The following LRP1 variants were observed in gnomAD, a reference collection of about 807,000 sequenced individuals.
LRP1 encodes the protein prolow-density lipoprotein receptor-related protein 1.
In LRP1, 51 loss-of-function variants were observed where a neutral mutation model predicts 541.5. The ratio of observed to expected loss-of-function variants is 0.09; its 90% CI spans 0.08 to 0.12. The LOEUF is 0.12. Ranked by LOEUF, LRP1 falls within the 10% of genes least tolerant of loss-of-function variation. LRP1 has a pLI of 1.00. For missense variants in LRP1, 3,878 were observed against 6,376.2 expected (o/e 0.61, Z 13.34); for synonymous variants, 2,219 against 2,470.8 (o/e 0.90, Z 3.02).
Position 57,191,352 on chromosome 12 carries a change from C to T in LRP1, c.7269C>T (p.Phe2423=), listed in dbSNP as rs777399211. The T allele has an allele frequency of 1.1e-5, 17 of 1,610,944 alleles. No individual in the cohort carries two copies. Among genetic ancestry groups the T allele is most frequent in the Middle Eastern group, 1.7e-4 (1 of 6,056 alleles). The stretch of plus-strand genomic sequence containing the variant: ...TAAAGTCAGAGCCTGTCCACCCCTT[C>T]GGGCTGGCCGTGTATGGGGAGCACA... ...VILKSEPVHP[F]GLAVYGEHIF... is the part of the protein sequence containing the mutation. The change falls in exon 44 of 89, where the codon TTC becomes TTT. Residue 2423 remains phenylalanine (F), a synonymous_variant. Coordinates refer to ENST00000243077, the MANE Select transcript of LRP1 (RefSeq NM_002332.3).
Position 57,198,569 on chromosome 12 carries a change from A to G in LRP1, c.9575A>G (p.Asn3192Ser), listed in dbSNP as rs1307703311. 6.2e-7 allele frequency: 1 copy of G among 1,613,852 alleles called. No individual in the cohort carries two copies. The highest frequency in any genetic ancestry group is 8.5e-7 in the Non-Finnish European group (1 of 1,179,996). The change falls in exon 60 of 89, where the codon AAT becomes AGT. Residue 3192 changes from asparagine to serine, a missense_variant. Asn to Ser is a conservative substitution (Grantham distance 46). Transcript: ENST00000243077. ...VIVDTKITWP[N>S]GLTLDYVTER... Reference sequence around the variant, plus strand: ...GTGGACACCAAGATCACATGGCCCAATGGCCTGACGCTGGACTATGTCACT... The same window carrying G: ...GTGGACACCAAGATCACATGGCCCAGTGGCCTGACGCTGGACTATGTCACT...
Position 57,183,812 on chromosome 12 carries a change from C to T in LRP1, c.5832C>T (p.Ser1944=), listed in dbSNP as rs770361854. The T allele has an allele frequency of 6.2e-7, 1 of 1,614,144 alleles. No individual in the cohort carries two copies. Among genetic ancestry groups the T allele is most frequent in the South Asian group, 1.1e-5 (1 of 91,086 alleles). Residue 1944 remains serine, a synonymous_variant, in exon 36 of 89, where the codon AGC becomes AGT. Transcript: ENST00000243077. The surrounding 1 kb of genome is among the most constrained non-coding windows in gnomAD (Gnocchi z 6.1). The part of the protein sequence containing the change: ...DTIYWVDMGL[S]TISRAKRDQT... The stretch of plus-strand genomic sequence containing the variant: ...TCTACTGGGTGGACATGGGCCTGAG[C>T]ACGATCAGCCGGGCCAAGCGGGACC...
rs898953667 is a variant in LRP1 at position 57,184,807 on chromosome 12, C to CT, written c.6187-31dup. On this transcript the variant is annotated intron_variant, in intron 38 of 88. Coordinates refer to ENST00000243077, the MANE Select transcript of LRP1 (RefSeq NM_002332.3). This position sits in a 1 kb window ranked among gnomAD's most constrained non-coding sequence, Gnocchi z 7.8. Reference sequence around the variant, plus strand: ...CATGGGGCTGGCAGCGAGCTCAGCCCTGGAGGTGAGGTGGGTGCCTCTGGC... The same window carrying CT: ...CATGGGGCTGGCAGCGAGCTCAGCCCTTGGAGGTGAGGTGGGTGCCTCTGGC... 3 of 1,599,068 alleles carry CT rather than the reference C, an allele frequency of 1.9e-6. No homozygotes were observed. Among genetic ancestry groups the CT allele is most frequent in the Non-Finnish European group, 2.6e-6 (3 of 1,169,314 alleles).
chr12:57,195,265 C>T lies in LRP1; in HGVS notation c.8309-6C>T. 1 of 1,613,442 alleles carries T rather than the reference C, an allele frequency of 6.2e-7. No homozygotes were observed. Among genetic ancestry groups the T allele is most frequent in the Non-Finnish European group, 8.5e-7 (1 of 1,179,552 alleles). Reference sequence around the variant, plus strand: ...AGTCTCTCAGTGGCCCTCTCTCCCCCTACAGAAGGCAAGACGTGCGGCCCC... The same window carrying T: ...AGTCTCTCAGTGGCCCTCTCTCCCCTTACAGAAGGCAAGACGTGCGGCCCC... On this transcript the variant is annotated splice_region_variant and splice_polypyrimidine_tract_variant and intron_variant, in intron 51 of 88. Transcript: ENST00000243077.
rs1424496971 is a variant in LRP1 at position 57,195,470 on chromosome 12, C to G, written c.8437+71C>G. 6.9e-6 allele frequency: 11 copies of G among 1,586,938 alleles called. No individual in the cohort carries two copies. In the South Asian group the frequency reaches 1.0e-4, roughly 14 times the overall value. On this transcript the variant is annotated intron_variant, in intron 52 of 88. Transcript: ENST00000243077. ...AGTCTCACTTTGCAGATGGGGAAGCCGGGGTGCAGGAGAGGAAATGCCTCA... is the reference window on the plus strand; with the variant it reads ...AGTCTCACTTTGCAGATGGGGAAGCGGGGGTGCAGGAGAGGAAATGCCTCA...
chr12:57,203,384 C>G lies in LRP1; in HGVS notation c.10819-5C>G, dbSNP rs750248371. On this transcript the variant is annotated splice_polypyrimidine_tract_variant and splice_region_variant and intron_variant, in intron 69 of 88. Transcript: ENST00000243077. Reference sequence around the variant, plus strand: ...GTGACCGGCTGCCTGTGCCCATGCCCACAGAAAGACTGCACCCCCCGCTGT... The same window carrying G: ...GTGACCGGCTGCCTGTGCCCATGCCGACAGAAAGACTGCACCCCCCGCTGT... The G allele has an allele frequency of 6.2e-7, 1 of 1,603,160 alleles. No homozygotes were observed. The highest frequency in any genetic ancestry group is 8.5e-7 in the Non-Finnish European group (1 of 1,172,866).
intron 79 of LRP1, 69 bp downstream of exon 79, chr12:57,209,268 A>G (rs906056444): frequency 2.4e-6 from 3 of 1,251,034 alleles, no homozygotes; most frequent in South Asian, 1.2e-5. Context: ...TACTGAGCCA[A>G]AGGCCTCACT....
Position 57,199,325 on chromosome 12 carries a change from A to G in LRP1, c.9790A>G (p.Asn3264Asp), listed in dbSNP as rs548667880. The change falls in exon 61 of 89, where the codon AAC becomes GAC. Residue 3264 changes from asparagine (N) to aspartate (D), a missense_variant. By Grantham distance (23) the Asn-to-Asp change is conservative. Coordinates refer to ENST00000243077, the MANE Select transcript of LRP1 (RefSeq NM_002332.3). ...INRAHKTTGT[N>D]KTLLISTLHR... ...CCGAGCCCACAAGACCACGGGCACC[A>G]ACAAAACGCTCCTCATCAGCACGCT... 1.2e-6 allele frequency: 2 copies of G among 1,613,578 alleles called. No individual in the cohort carries two copies. Among genetic ancestry groups the G allele is most frequent in the South Asian group, 2.2e-5 (2 of 91,080 alleles).
chr12:57,211,383 G>C lies in LRP1; in HGVS notation c.13091+33G>C, dbSNP rs748412659. On this transcript the variant is annotated intron_variant, in intron 84 of 88. Coordinates refer to ENST00000243077, the MANE Select transcript of LRP1 (RefSeq NM_002332.3). This position sits in a 1 kb window ranked among gnomAD's most constrained non-coding sequence, Gnocchi z 4.3. ...GGGCCCTCCTCCACAGTTCCACCCA[G>C]CTGGGCCCCTGCCCTGTCCTAGCCC... 1 of 1,611,702 alleles carries C rather than the reference G, an allele frequency of 6.2e-7. No individual in the cohort carries two copies. Among genetic ancestry groups the C allele is most frequent in the Admixed American group, 1.7e-5 (1 of 59,980 alleles).
At chr12:57,175,756 T>C (rs766203058) in intron 23 of LRP1, 51 bp downstream of exon 23, 1 of 1,550,222 alleles carries the variant, frequency 6.5e-7, no homozygotes, top group African/African-American at 1.4e-5. Flanking sequence ...GCCTCTGAGC[T>C]GCAGTGGGTT....
chr12:57,166,884 G>A, intron 17 of LRP1, 46 bp from the exon 18 acceptor site: 1 of 978,070 alleles, frequency 1.0e-6, no homozygotes, highest in East Asian at 2.4e-5. Flanking sequence ...AGGCAGTGAA[G>A]AGAGGGTCAG....
chr12:57,212,665 A>G lies in LRP1; in HGVS notation c.*110A>G, dbSNP rs2036944748. ...TTCCCTGGCCCCGCCGGATGTATAA[A>G]TGTAAAAATGAAGGAATTACATTTT... On this transcript the variant is annotated 3_prime_UTR_variant, in exon 89 of 89. Transcript: ENST00000243077. The surrounding 1 kb of genome is among the most constrained non-coding windows in gnomAD (Gnocchi z 5.0). The G allele has an allele frequency of 1.7e-6, 2 of 1,161,594 alleles. No homozygotes were observed. Among genetic ancestry groups the G allele is most frequent in the Non-Finnish European group, 2.4e-6 (2 of 837,564 alleles). The allele number at this position is 1,161,594 out of a possible 1,614,324, so 72.0% of individuals were successfully genotyped here.
Position 57,197,079 on chromosome 12 carries a change from T to C in LRP1, c.8990T>C (p.Ile2997Thr). Residue 2997 changes from isoleucine (I) to threonine (T), a missense_variant, in exon 56 of 89, where the codon ATC becomes ACC. Around this residue, in one of 13 missense-constraint regions of LRP1, gnomAD observed 1,100 missense variants for 1,827.4 expected, o/e 0.60. Transcript: ENST00000243077. The surrounding 1 kb of genome is among the most constrained non-coding windows in gnomAD (Gnocchi z 4.5). ...STTFPCSQRC[I>T]NTHGSYKCLC... ...ACCTTCCCCTGCAGCCAGCGCTGCATCAACACTCATGGCAGCTATAAGTGT... is the reference window on the plus strand; with the variant it reads ...ACCTTCCCCTGCAGCCAGCGCTGCACCAACACTCATGGCAGCTATAAGTGT... 1 of 1,614,084 alleles carries C rather than the reference T, an allele frequency of 6.2e-7. No homozygotes were observed. The highest frequency in any genetic ancestry group is 8.5e-7 in the Non-Finnish European group (1 of 1,179,992).
At position 57,211,848 on chromosome 12, in the gene LRP1, C is replaced by A. The variant is rs376578519; in HGVS notation, c.13258+34C>A. The A allele has an allele frequency of 3.8e-5, 61 of 1,613,008 alleles. No homozygotes were observed. In the Middle Eastern group the frequency reaches 6.6e-4, roughly 17 times the overall value. ...CAGGGGTTGGGGCAGGCAGGGCCACCGGGACCTAGAGCAGGGGGACCGTGT... is the reference window on the plus strand; with the variant it reads ...CAGGGGTTGGGGCAGGCAGGGCCACAGGGACCTAGAGCAGGGGGACCGTGT... On this transcript the variant is annotated intron_variant, in intron 86 of 88. Transcript: ENST00000243077. The surrounding 1 kb of genome is among the most constrained non-coding windows in gnomAD (Gnocchi z 4.3).
At position 57,184,448 on chromosome 12, in the gene LRP1, A is replaced by T; in HGVS notation, c.6182A>T (p.Tyr2061Phe). Residue 2061 changes from tyrosine to phenylalanine, a missense_variant, in exon 38 of 89, where the codon TAC becomes TTC. By Grantham distance (22) the Tyr-to-Phe change is conservative (BLOSUM62 3). This residue lies in a region of LRP1 where 1,100 missense variants were observed against 1,827.4 expected (regional missense o/e 0.60). Coordinates refer to ENST00000243077, the MANE Select transcript of LRP1 (RefSeq NM_002332.3). This position sits in a 1 kb window ranked among gnomAD's most constrained non-coding sequence, Gnocchi z 7.8. ...ISWPNGISVD[Y>F]QDGKLYWCDA... is the part of the protein sequence containing the mutation. Reference sequence around the variant, plus strand: ...TGGCCCAACGGCATCTCAGTGGACTACCAGGTTCGCACGCCAACTTGGCCT... The same window carrying T: ...TGGCCCAACGGCATCTCAGTGGACTTCCAGGTTCGCACGCCAACTTGGCCT... 1.2e-6 allele frequency: 2 copies of T among 1,614,208 alleles called. No homozygotes were observed. The highest frequency in any genetic ancestry group is 1.7e-6 in the Non-Finnish European group (2 of 1,180,028).
chr12:57,195,597 T>G, intron 52 of LRP1, 61 bp from the exon 53 acceptor site: 1 of 1,611,872 alleles, frequency 6.2e-7, no homozygotes, highest in East Asian at 2.2e-5. Flanking sequence ...GAGGTTAGAG[T>G]GAGGGACGGT....
At position 57,204,184 on chromosome 12, in the gene LRP1, T is replaced by C; in HGVS notation, c.10952-226T>C. On this transcript the variant is annotated intron_variant, in intron 70 of 88. Coordinates refer to ENST00000243077, the MANE Select transcript of LRP1 (RefSeq NM_002332.3). This position sits in a 1 kb window ranked among gnomAD's most constrained non-coding sequence, Gnocchi z 5.3. ...GCCCTGCCACATACCAGAGAAGGAG[T>C]GCCCTCTGAACTCCTCCAGACACCC... The C allele has an allele frequency of 2.2e-6, 1 of 458,118 alleles. No homozygotes were observed. 28.4% of individuals were successfully genotyped at this position (458,118 alleles called of 1,614,324 possible).
Position 57,162,562 on chromosome 12 carries a change from G to A in LRP1, c.2404+44G>A. 6.2e-7 allele frequency: 1 copy of A among 1,605,130 alleles called. No individual in the cohort carries two copies. The highest frequency in any genetic ancestry group is 8.5e-7 in the Non-Finnish European group (1 of 1,174,464). ...GGGCAGCGTGGGACCTGGAAGGGGT[G>A]GTGGGACTTAGGCATTGATTTGAGA... is the stretch of plus-strand genomic sequence containing the variant. On this transcript the variant is annotated intron_variant, in intron 14 of 88. Transcript: ENST00000243077. The surrounding 1 kb of genome is among the most constrained non-coding windows in gnomAD (Gnocchi z 5.2).
rs1194627223 is a variant in LRP1 at position 57,183,191 on chromosome 12, A to G, written c.5663-188A>G. 2.6e-5 allele frequency among the ~76,000 whole-genome samples: 4 copies of G among 152,112 alleles called. No homozygotes were observed. The highest frequency in any genetic ancestry group is 2.0e-4 in the Admixed American group (3 of 15,276). The stretch of plus-strand genomic sequence containing the variant: ...CTGCAGGTGGTTCCCCAGAGCTACC[A>G]GCCAGGTGCGCTTCCTCCCGGCCCA... On this transcript the variant is annotated intron_variant, in intron 34 of 88. Transcript: ENST00000243077. This position sits in a 1 kb window ranked among gnomAD's most constrained non-coding sequence, Gnocchi z 6.1.
Sources: allele counts gnomAD v4.1 joint callset (sites outside exome capture counted in the v4.1 genomes callset), GRCh38; gene constraint gnomAD v4.1.1; regional missense constraint gnomAD v4.1.1; non-coding constraint Gnocchi (gnomAD v3.1); transcripts MANE v1.5; gene names NCBI Gene and HGNC (gene_info 2026-07-23, HGNC 2026-07-21).